CYSLTR1: variants seen among roughly 807,000 people sequenced by gnomAD.
CYSLTR1 encodes cysteinyl leukotriene receptor 1.
A neutral mutation model predicts 2.1 loss-of-function variants in CYSLTR1; 1 was observed. The ratio of observed to expected loss-of-function variants is 0.48; its 90% CI spans 0.17 to 2.28. CYSLTR1 has a LOEUF of 2.28. CYSLTR1 is among the 30% of genes most tolerant of loss of function. CYSLTR1 has a pLI of 0.26. For synonymous variants in CYSLTR1, 110 were observed against 89.6 expected (o/e 1.23, Z -1.28); for missense variants, 299 against 250.1 (o/e 1.20, Z -1.32).
chrX:78,289,877 G>A (rs1402654387), intron 1 of CYSLTR1, among the ~76,000 whole-genome samples: 1 of 111,476 alleles, frequency 9.0e-6, no homozygotes, highest in Non-Finnish European at 1.9e-5. Flanking sequence ...TTTGTCAGAT[G>A]GGTAGATTGC....
At chrX:78,306,174 T>G (rs1164871671) in intron 1 of CYSLTR1, among the ~76,000 whole-genome samples, 1 of 111,114 alleles carries the variant, frequency 9.0e-6, no homozygotes, top group Admixed American at 9.5e-5. Flanking sequence ...GGGTTTTTCT[T>G]TTTTTTTGAG....
chrX:78,274,246 C>G (rs1364928932), intron 2 of CYSLTR1, among the ~76,000 whole-genome samples: 2 of 111,023 alleles, frequency 1.8e-5, no homozygotes, highest in Non-Finnish European at 3.8e-5. Context: ...AAAAAGAGCC[C>G]ACATCGCCAA....
rs769989534 is a variant in CYSLTR1 at position 78,303,850 on chromosome X, T to C, written c.-114-20310A>G. ...ACTTCTTTTTTTATGATCTCTTCAC[T>C]TATCTGTTATACAATAGGGCTTGAA... On this transcript the variant is annotated intron_variant, in intron 1 of 2. Coordinates refer to ENST00000373304, the MANE Select transcript of CYSLTR1 (RefSeq NM_006639.4). Among the ~76,000 whole-genome samples the C allele has an allele frequency of 4.3e-4, 48 of 111,980 alleles. 1 individual carries two copies. Among genetic ancestry groups the C allele is most frequent in the Middle Eastern group, 4.6e-3 (1 of 219 alleles).
intron 1 of CYSLTR1, among the ~76,000 whole-genome samples, chrX:78,290,021 G>T (rs1238914664): frequency 1.8e-5 from 2 of 111,927 alleles, no homozygotes; most frequent in African/African-American, 6.5e-5. Flanking sequence ...TGGTGTTTCA[G>T]TCATGAAGGC....
rs183946923 is a variant in CYSLTR1, at chrX:78,297,639, T to C, written c.-114-14099A>G. On this transcript the variant is annotated intron_variant, in intron 1 of 2. Transcript: ENST00000373304. The stretch of plus-strand genomic sequence containing the variant: ...TTGCACGTGTCTAGCAATTTGTCCA[T>C]TACTTTTGGATTTTCCAATTTCATG... Among the ~76,000 whole-genome samples, 10 of 111,622 alleles carry C rather than the reference T, an allele frequency of 9.0e-5. No individual in the cohort carries two copies. The East Asian group carries it at 2.8e-3, about 31-fold the overall frequency.
At chrX:78,304,424 G>A (rs1343763389) in intron 1 of CYSLTR1, among the ~76,000 whole-genome samples, 4 of 111,064 alleles carry the variant, frequency 3.6e-5, no homozygotes, top group African/African-American at 6.5e-5. Flanking sequence ...TCAGACCTCC[G>A]TAATAACTAT....
intron 1 of CYSLTR1, among the ~76,000 whole-genome samples, chrX:78,294,262 C>T (rs1922481532): frequency 8.9e-6 from 1 of 112,657 alleles, no homozygotes; most frequent in Non-Finnish European, 1.9e-5. Flanking sequence ...ACTCCAGACG[C>T]TGTTTGCCTG....
chrX:78,321,037 T>C (rs1923632294), intron 1 of CYSLTR1: 1 of 110,606 alleles, frequency 9.0e-6, no homozygotes, highest in South Asian at 3.9e-4. Context: ...CCTCTCCTAA[T>C]TGGGCAACTT....
At chrX:78,325,181 A>T (rs1263837421) in intron 1 of CYSLTR1, among the ~76,000 whole-genome samples, 1 of 111,847 alleles carries the variant, frequency 8.9e-6, no homozygotes, top group African/African-American at 3.3e-5. Context: ...GTTCACATTG[A>T]GGTGTGCATA....
intron 1 of CYSLTR1, chrX:78,321,270 C>T (rs910997328): frequency 1.9e-5 from 2 of 107,600 alleles, no homozygotes; most frequent in African/African-American, 6.8e-5. Context: ...TTAAAAGAAG[C>T]CTGAAAATTC....
chrX:78,324,313 G>A (rs1434481168), intron 1 of CYSLTR1, among the ~76,000 whole-genome samples: 1 of 112,660 alleles, frequency 8.9e-6, no homozygotes, highest in Non-Finnish European at 1.9e-5. Flanking sequence ...CTGTAGGGAT[G>A]AGGATATGTA....
rs774753915 is a variant in CYSLTR1 at position 78,296,782 on chromosome X, A to AT, written c.-114-13243dup. Reference sequence around the variant, plus strand: ...TGGAATTTATTTTTCAGTTCTAATGATTTTTTTGTGGAATCTTTAGGTTTT... The same window carrying AT: ...TGGAATTTATTTTTCAGTTCTAATGATTTTTTTTGTGGAATCTTTAGGTTTT... On this transcript the variant is annotated intron_variant, in intron 1 of 2. Coordinates refer to ENST00000373304, the MANE Select transcript of CYSLTR1 (RefSeq NM_006639.4). 6.3e-5 allele frequency among the ~76,000 whole-genome samples: 7 copies of AT among 111,518 alleles called. No individual in the cohort carries two copies. In the East Asian group the frequency reaches 8.4e-4, roughly 13 times the overall value.
chrX:78,318,725 C>A (rs1224486669), intron 1 of CYSLTR1, among the ~76,000 whole-genome samples: 2 of 111,376 alleles, frequency 1.8e-5, no homozygotes, highest in African/African-American at 3.3e-5. Context: ...TCAAAATTAA[C>A]TTCCCCACCT....
intron 1 of CYSLTR1, among the ~76,000 whole-genome samples, chrX:78,288,936 AC>A (rs753806306): frequency 7.8e-5 from 8 of 102,681 alleles, no homozygotes; most frequent in Non-Finnish European, 1.6e-4. Flanking sequence ...TTTAGATCCC[AC>A]AAATGAGTGG....
At chrX:78,303,992 C>T (rs760259127) in intron 1 of CYSLTR1, among the ~76,000 whole-genome samples, 6 of 111,464 alleles carry the variant, frequency 5.4e-5, no homozygotes, top group South Asian at 7.5e-4. Context: ...AAGAGAAACA[C>T]GGACATAAGT....
chrX:78,300,335 G>A (rs1922762573), intron 1 of CYSLTR1, among the ~76,000 whole-genome samples: 1 of 112,285 alleles, frequency 8.9e-6, no homozygotes, highest in Non-Finnish European at 1.9e-5. Context: ...ATGATCTCCT[G>A]GATGGTCTTG....
chrX:78,314,590 G>A (rs1279724513), intron 1 of CYSLTR1, among the ~76,000 whole-genome samples: 1 of 111,660 alleles, frequency 9.0e-6, no homozygotes, highest in Non-Finnish European at 1.9e-5. Flanking sequence ...AGTGTGGTGG[G>A]AAGAGTGTTT....
At chrX:78,319,109 TTTAG>T (rs1178328850) in intron 1 of CYSLTR1, 1 of 110,809 alleles carries the variant, frequency 9.0e-6, no homozygotes, top group Non-Finnish European at 1.9e-5. Context: ...TTTAAAGTTG[TTTAG>T]TTTTCTTTTT....
chrX:78,274,295 C>T (rs745500381), intron 2 of CYSLTR1, among the ~76,000 whole-genome samples: 11 of 111,287 alleles, frequency 9.9e-5, no homozygotes, highest in East Asian at 2.8e-4. Context: ...GGAGGCATCA[C>T]GCTACCTGAC....
Sources: gnomAD v4.1 joint callset for allele counts (sites outside exome capture counted in the v4.1 genomes callset) on GRCh38, gnomAD v4.1.1 for gene constraint, MANE v1.5 for transcripts, NCBI Gene and HGNC (gene_info 2026-07-23, HGNC 2026-07-21) for gene names.